Variants in TAFA2 observed in about 807,000 individuals in gnomAD.
The protein encoded by TAFA2 is TAFA chemokine like family member 2, also known as chemokine-like protein TAFA-2.
A neutral mutation model predicts 18.8 loss-of-function variants in TAFA2; 7 were observed. That is an observed-to-expected ratio of 0.37 (90% CI 0.21 to 0.70). The LOEUF (loss-of-function observed/expected upper bound fraction) is 0.70. TAFA2 is among the 30% of genes least tolerant of loss of function. The pLI is 0.53. For missense variants in TAFA2, 122 were observed against 158.1 expected, an observed-to-expected ratio of 0.77 and a Z score of 1.23; for synonymous variants, 60 against 54.2, an observed-to-expected ratio of 1.11 and a Z score of -0.47.
At chr12:61,864,075 C>T (rs987497148) in intron 2 of TAFA2, among the ~76,000 whole-genome samples, 1 of 152,162 alleles carries the variant, frequency 6.6e-6, no homozygotes, top group East Asian at 1.9e-4. Context: ...TTCAATAAAT[C>T]ACGTAAACAA....
At chr12:61,826,338 C>CTGTGTGTGTGTGTGTGTGTGTGTGTGTG (rs57736074) in intron 2 of TAFA2, among the ~76,000 whole-genome samples, 12 of 149,144 alleles carry the variant, frequency 8.0e-5, no homozygotes, top group African/African-American at 2.5e-4. Flanking sequence ...ATTAGTTCAT[C>CTGTGTGTGTGTGTGTGTGTGTGTGTGTG]TGTGTGTGTG....
chr12:62,006,010 C>A (rs11174277), intron 1 of TAFA2, among the ~76,000 whole-genome samples: 28,785 of 152,052 alleles, frequency 0.19, 2,881 homozygotes, highest in Admixed American at 0.24. Context: ...TCAACATTTT[C>A]ATTTTTATAA....
At chr12:62,113,690 C>T (rs1266096597) in intron 1 of TAFA2, among the ~76,000 whole-genome samples, 1 of 152,092 alleles carries the variant, frequency 6.6e-6, no homozygotes, top group Non-Finnish European at 1.5e-5. Flanking sequence ...GATGCCCTGC[C>T]CAGAGAGGAG....
At chr12:62,214,701 C>T (rs978914607) in intron 1 of TAFA2, among the ~76,000 whole-genome samples, 2 of 152,052 alleles carry the variant, frequency 1.3e-5, no homozygotes, top group Non-Finnish European at 2.9e-5. Flanking sequence ...ACACACACAG[C>T]AATATCATAG....
At chr12:61,983,383 G>GT (rs10657709) in intron 1 of TAFA2, among the ~76,000 whole-genome samples, 2 of 146,756 alleles carry the variant, frequency 1.4e-5, no homozygotes, top group South Asian at 2.2e-4. Flanking sequence ...CTGGGATTCT[G>GT]TTTGTTTTGT....
chr12:61,796,581 GA>G (rs1871199153), intron 2 of TAFA2, among the ~76,000 whole-genome samples: 1 of 151,964 alleles, frequency 6.6e-6, no homozygotes, highest in South Asian at 2.1e-4. Context: ...TGAAAAAGAA[GA>G]AAACAAGGAG....
chr12:62,235,104 G>T, intron 1 of TAFA2: 1 of 631,720 alleles, frequency 1.6e-6, no homozygotes, highest in South Asian at 1.4e-5. Context: ...TGGAGTACTG[G>T]CCTCTCCTAC....
chr12:61,935,231 T>C (rs1480593509), intron 1 of TAFA2, among the ~76,000 whole-genome samples: 1 of 152,170 alleles, frequency 6.6e-6, no homozygotes, highest in Non-Finnish European at 1.5e-5. Context: ...CAATAGTAAA[T>C]GGCAAGAAAC....
intron 1 of TAFA2, among the ~76,000 whole-genome samples, chr12:62,126,501 T>G (rs1239745923): frequency 6.6e-6 from 1 of 152,100 alleles, no homozygotes; most frequent in Non-Finnish European, 1.5e-5. Flanking sequence ...ATAAAGATAT[T>G]TTTTCTTTCC....
chr12:62,176,030 A>G (rs143040528), intron 1 of TAFA2, among the ~76,000 whole-genome samples: 46 of 152,294 alleles, frequency 3.0e-4, no homozygotes, highest in Admixed American at 1.4e-3. Flanking sequence ...TGATGTTGCC[A>G]TATTAAAGAC....
At chr12:61,747,771 C>T (rs1441669191) in intron 4 of TAFA2, among the ~76,000 whole-genome samples, 36 of 149,770 alleles carry the variant, frequency 2.4e-4, no homozygotes, top group African/African-American at 7.2e-4. Context: ...TGCTAGATGA[C>T]GAGTTAGTGG....
intron 1 of TAFA2, among the ~76,000 whole-genome samples, chr12:62,153,099 A>G (rs2136921642): frequency 6.6e-6 from 1 of 152,308 alleles, no homozygotes; most frequent in African/African-American, 2.4e-5. Flanking sequence ...TTGAAATTGG[A>G]AATTTGCAAG....
chr12:62,080,933 G>C (rs1444636923), intron 1 of TAFA2, among the ~76,000 whole-genome samples: 1 of 152,148 alleles, frequency 6.6e-6, no homozygotes, highest in African/African-American at 2.4e-5. Flanking sequence ...GGTGGCTCAC[G>C]CCTGTAACCC....
At chr12:62,257,858 G>A (rs1592423649) in intron 1 of TAFA2, among the ~76,000 whole-genome samples, 1 of 152,198 alleles carries the variant, frequency 6.6e-6, no homozygotes, top group Non-Finnish European at 1.5e-5. Context: ...CAGTAGGGAT[G>A]TGGACTTTAA....
At chr12:61,919,864 C>T (rs1238121377) in intron 1 of TAFA2, among the ~76,000 whole-genome samples, 4 of 152,008 alleles carry the variant, frequency 2.6e-5, no homozygotes. Flanking sequence ...AATCACTCAA[C>T]CAAAAACAGT....
intron 2 of TAFA2, among the ~76,000 whole-genome samples, chr12:61,765,995 C>T (rs922343625): frequency 6.6e-6 from 1 of 152,020 alleles, no homozygotes; most frequent in Non-Finnish European, 1.5e-5. Context: ...TCTTTGGTCA[C>T]CAAATCCCTG....
intron 1 of TAFA2, among the ~76,000 whole-genome samples, chr12:62,239,509 T>G (rs373947731): frequency 1.3e-5 from 2 of 152,212 alleles, no homozygotes; most frequent in East Asian, 1.9e-4. Flanking sequence ...TGGTGGACAA[T>G]TGTGACTAGT....
intron 1 of TAFA2, among the ~76,000 whole-genome samples, chr12:62,111,543 G>C (rs937875249): frequency 1.3e-5 from 2 of 152,168 alleles, no homozygotes; most frequent in Non-Finnish European, 2.9e-5. Flanking sequence ...GAATATCCTT[G>C]TTAATTTTCT....
At chr12:61,840,046 C>T (rs187721066) in intron 2 of TAFA2, among the ~76,000 whole-genome samples, 3 of 152,074 alleles carry the variant, frequency 2.0e-5, no homozygotes. Flanking sequence ...CTCAGCTTCT[C>T]AGGATGTCTG....
Sources: allele counts gnomAD v4.1 joint callset (sites outside exome capture counted in the v4.1 genomes callset), GRCh38; gene constraint gnomAD v4.1.1; transcripts MANE v1.5; gene names NCBI Gene and HGNC (gene_info 2026-07-23, HGNC 2026-07-21).